The following EPM2A variants were observed in gnomAD, a reference collection of about 807,000 sequenced individuals.
The protein encoded by EPM2A is laforin.
In EPM2A, 21 loss-of-function variants were observed where a neutral mutation model predicts 26.5. The observed-to-expected ratio is 0.79, with a 90% CI of 0.56 to 1.14. EPM2A has a LOEUF of 1.14. Ranked by LOEUF, EPM2A falls within the 50% of genes most tolerant of loss-of-function variation. EPM2A has a pLI of 0.00. For synonymous variants in EPM2A, 217 were observed against 177.6 expected, an observed-to-expected ratio of 1.22 and a Z score of -1.76; for missense variants, 458 against 440.8, an observed-to-expected ratio of 1.04 and a Z score of -0.35.
intron 4 of EPM2A, among the ~76,000 whole-genome samples, chr6:145,443,705 C>G (rs1180464223): frequency 6.6e-6 from 1 of 152,046 alleles, no homozygotes; most frequent in Non-Finnish European, 1.5e-5. Context: ...GCTCTGTGTC[C>G]CTACCCAAAT....
Position 145,735,315 on chromosome 6 carries a change from C to G in EPM2A, c.184G>C (p.Gly62Arg), listed in dbSNP as rs201510569. The G allele has an allele frequency of 2.7e-6, 4 of 1,461,966 alleles. No individual in the cohort carries two copies. The highest frequency in any genetic ancestry group is 1.5e-5 in the African/African-American group (1 of 67,524). 90.6% of individuals were successfully genotyped at this position (1,461,966 alleles called of 1,614,324 possible). ...TCCTCGGCCGCCAGCTCCACCTCCC[C>G]GAGCCACAGGCCCGGCTCCTGCAGG... Reference protein sequence around the residue: ...LALQEPGLWLGEVELAAEEAA... With the variant: ...LALQEPGLWLREVELAAEEAA... The change falls in exon 1 of 4, where the codon GGG (glycine) becomes CGG (arginine). Residue 62 changes from glycine (G) to arginine (R), a missense_variant. By Grantham distance (125) the Gly-to-Arg change is moderately radical. Coordinates refer to ENST00000367519, the MANE Select transcript of EPM2A (RefSeq NM_005670.4).
At chr6:145,444,461 T>A (rs1483827325) in intron 4 of EPM2A, among the ~76,000 whole-genome samples, 1 of 152,178 alleles carries the variant, frequency 6.6e-6, no homozygotes, top group Non-Finnish European at 1.5e-5. Context: ...TGACCATGGT[T>A]GATGTGCTGC....
At chr6:145,634,185 C>G (rs1776475071) in intron 3 of EPM2A, among the ~76,000 whole-genome samples, 1 of 152,108 alleles carries the variant, frequency 6.6e-6, no homozygotes, top group African/African-American at 2.4e-5. Context: ...TCTCTGCTGC[C>G]CCCTGCTGAC....
In EPM2A at chr6:145,615,794, C is replaced by T. The variant is rs999152909; in HGVS notation, c.340+19451G>A. 1.4e-4 allele frequency among the ~76,000 whole-genome samples: 22 copies of T among 151,994 alleles called. No homozygotes were observed. The East Asian group carries it at 2.3e-3, about 16-fold the overall frequency. ...GCAAAGAGATTGGTGGCATTTTGCC[C>T]CTCCCCGAGAGATTTATGGAACTTT... On this transcript the variant is annotated intron_variant, in intron 2 of 3. Transcript: ENST00000450221.
intron 2 of EPM2A, among the ~76,000 whole-genome samples, chr6:145,608,009 G>A (rs954925411): frequency 6.6e-6 from 1 of 152,156 alleles, no homozygotes; most frequent in African/African-American, 2.4e-5. Flanking sequence ...TCAGGCTGTT[G>A]TTTCTGAGTA....
Position 145,643,936 on chromosome 6 carries a change from T to A in EPM2A, c.477-8450A>T, listed in dbSNP as rs374387480. Among the ~76,000 whole-genome samples the A allele has an allele frequency of 9.8e-4, 149 of 152,248 alleles. 1 individual carries two copies. The highest frequency in any genetic ancestry group is 3.4e-3 in the African/African-American group (142 of 41,546). Reference sequence around the variant, plus strand: ...AATGTGGAGATGAGTCATCTGGAGATCATGCTAAGATGTAGATAGTGACGT... The same window carrying A: ...AATGTGGAGATGAGTCATCTGGAGAACATGCTAAGATGTAGATAGTGACGT... On this transcript the variant is annotated intron_variant, in intron 2 of 3. Coordinates refer to ENST00000367519, the MANE Select transcript of EPM2A (RefSeq NM_005670.4).
chr6:145,383,562 A>C (rs1449166071), exon 5 of EPM2A: 1 of 152,172 alleles, frequency 6.6e-6, no homozygotes, highest in Non-Finnish European at 1.5e-5. Context: ...GAACTCTATC[A>C]CGAGAACAGC....
At chr6:145,635,905 A>C (rs1776641307) in intron 2 of EPM2A, 2 of 214,784 alleles carry the variant, frequency 9.3e-6, no homozygotes, top group South Asian at 1.5e-4. Flanking sequence ...ATTCCGGTTT[A>C]AAAGTCTATG....
chr6:145,512,445 T>A (rs1391208187), intron 2 of EPM2A, among the ~76,000 whole-genome samples: 1 of 151,830 alleles, frequency 6.6e-6, no homozygotes, highest in African/African-American at 2.4e-5. Flanking sequence ...CCGGGCGTGG[T>A]GGCTCACGTC....
intron 2 of EPM2A, among the ~76,000 whole-genome samples, chr6:145,589,418 T>C (rs2128547483): frequency 6.6e-6 from 1 of 152,298 alleles, no homozygotes; most frequent in Non-Finnish European, 1.5e-5. Flanking sequence ...GTAGATTATC[T>C]GAGGTAGCAA....
chr6:145,721,399 G>C (rs2128638907), intron 1 of EPM2A: 1 of 152,242 alleles, frequency 6.6e-6, no homozygotes, highest in East Asian at 1.9e-4. Context: ...AGATATTCCA[G>C]ATAATGAAAC....
At chr6:145,658,095 T>C (rs2128584838) in intron 2 of EPM2A, among the ~76,000 whole-genome samples, 1 of 152,314 alleles carries the variant, frequency 6.6e-6, no homozygotes, top group African/African-American at 2.4e-5. Flanking sequence ...CTATCTGCAT[T>C]AGCAAGAAAG....
At chr6:145,391,406 A>C (rs558753465) in intron 4 of EPM2A, among the ~76,000 whole-genome samples, 1 of 152,140 alleles carries the variant, frequency 6.6e-6, no homozygotes, top group African/African-American at 2.4e-5. Context: ...TGTGTCCTCT[A>C]CTTCACCTTT....
chr6:145,548,056 A>G (rs1430489824), intron 2 of EPM2A, among the ~76,000 whole-genome samples: 1 of 152,104 alleles, frequency 6.6e-6, no homozygotes, highest in African/African-American at 2.4e-5. Context: ...CTTCGGCTCC[A>G]GATGATTTTT....
intron 2 of EPM2A, among the ~76,000 whole-genome samples, chr6:145,560,290 A>G (rs763130864): frequency 4.7e-4 from 71 of 152,304 alleles, no homozygotes; most frequent in Non-Finnish European, 8.2e-4. Context: ...CAATCATCAG[A>G]AATGTCTCAT....
In EPM2A at chr6:145,481,984, T is replaced by C. The variant is rs116136576; in HGVS notation, c.555+20538A>G. Among the ~76,000 whole-genome samples the C allele has an allele frequency of 5.0e-3, 759 of 152,194 alleles. 3 individuals are homozygous for C. The highest frequency in any genetic ancestry group is 0.018 in the African/African-American group (737 of 41,534). On this transcript the variant is annotated intron_variant, in intron 4 of 4. Coordinates refer to the EPM2A transcript ENST00000638717. ...TACAAATGCTTAGAAGCAAATCTTA[T>C]GCCTGACTCAACAGAAAAATCTACA... is the stretch of plus-strand genomic sequence containing the variant.
intron 2 of EPM2A, among the ~76,000 whole-genome samples, chr6:145,660,807 C>T (rs924848068): frequency 1.3e-5 from 2 of 152,068 alleles, no homozygotes; most frequent in East Asian, 1.9e-4. Flanking sequence ...CATAAAATAA[C>T]ATAAAATAAT....
At chr6:145,562,723 C>G (rs1380913867) in intron 2 of EPM2A, among the ~76,000 whole-genome samples, 1 of 152,068 alleles carries the variant, frequency 6.6e-6, no homozygotes, top group Non-Finnish European at 1.5e-5. Context: ...CCCAAGGACT[C>G]TGCTGCTTCG....
intron 4 of EPM2A, among the ~76,000 whole-genome samples, chr6:145,388,735 C>G (rs1036726054): frequency 6.6e-6 from 1 of 152,250 alleles, no homozygotes; most frequent in Middle Eastern, 3.4e-3. Flanking sequence ...CATTGTTCAA[C>G]TCCCACTTAT....
Sources: gnomAD v4.1 joint callset for allele counts (sites outside exome capture counted in the v4.1 genomes callset) on GRCh38, gnomAD v4.1.1 for gene constraint, MANE v1.5 for transcripts, NCBI Gene and HGNC (gene_info 2026-07-23, HGNC 2026-07-21) for gene names.